Variants in SMYD3 observed in about 807,000 individuals in gnomAD.
SMYD3 encodes SET and MYND domain containing 3.
A neutral mutation model predicts 57.7 loss-of-function variants in SMYD3; 36 were observed. The ratio of observed to expected loss-of-function variants is 0.62; its 90% CI spans 0.48 to 0.82. SMYD3 has a LOEUF of 0.82. SMYD3 is among the 40% of genes least tolerant of loss of function. SMYD3 has a pLI of 0.00. For missense variants in SMYD3, 515 were observed against 538.8 expected (o/e 0.96, Z 0.44); for synonymous variants, 211 against 195.0 (o/e 1.08, Z -0.68).
intron 5 of SMYD3, chr1:246,325,714 T>A (rs1460167216): frequency 2.0e-5 from 3 of 152,224 alleles, no homozygotes; most frequent in Non-Finnish European, 4.4e-5. Context: ...ATATTTTTCA[T>A]GGATATTAAT....
At chr1:246,227,853 C>T (rs541711118) in intron 5 of SMYD3, among the ~76,000 whole-genome samples, 17 of 152,122 alleles carry the variant, frequency 1.1e-4, no homozygotes, top group Non-Finnish European at 2.2e-4. Flanking sequence ...TAAGGTCTCA[C>T]CGATCTCTAA....
chr1:246,130,058 T>C (rs913412135), intron 5 of SMYD3, among the ~76,000 whole-genome samples: 3 of 152,136 alleles, frequency 2.0e-5, no homozygotes, highest in African/African-American at 7.2e-5. Context: ...AAGTACAATA[T>C]TGGAAAGAAT....
chr1:246,164,610 G>C (rs1035152726), intron 5 of SMYD3, among the ~76,000 whole-genome samples: 22 of 152,092 alleles, frequency 1.4e-4, no homozygotes, highest in African/African-American at 5.3e-4. Context: ...AGGAAGCCAG[G>C]CCCAAAGAGA....
intron 5 of SMYD3, among the ~76,000 whole-genome samples, chr1:246,128,609 T>A (rs2061541936): frequency 6.6e-6 from 1 of 152,196 alleles, no homozygotes. Flanking sequence ...GTACAACAGC[T>A]GTTCTACATG....
At chr1:245,808,336 T>C (rs1209755806) in intron 10 of SMYD3, among the ~76,000 whole-genome samples, 1 of 152,208 alleles carries the variant, frequency 6.6e-6, no homozygotes, top group Non-Finnish European at 1.5e-5. Flanking sequence ...GGCACCCATA[T>C]ACACATACTC....
chr1:246,178,586 G>A (rs376416743), intron 5 of SMYD3, among the ~76,000 whole-genome samples: 172 of 152,260 alleles, frequency 1.1e-3, no homozygotes, highest in African/African-American at 3.7e-3. Context: ...ACAAGTGCAT[G>A]CATGGCTACA....
At chr1:245,820,695 A>AAAAC (rs2049111976) in intron 10 of SMYD3, among the ~76,000 whole-genome samples, 1 of 152,106 alleles carries the variant, frequency 6.6e-6, no homozygotes, top group African/African-American at 2.4e-5. Flanking sequence ...ACTTCAGCAA[A>AAAAC]GTCTCAGGGT....
At chr1:245,818,672 T>C (rs1238313414) in intron 10 of SMYD3, among the ~76,000 whole-genome samples, 1 of 151,314 alleles carries the variant, frequency 6.6e-6, no homozygotes, top group Non-Finnish European at 1.5e-5. Context: ...GAGACACACA[T>C]AGGCTCAAAA....
chr1:246,167,514 T>G (rs2062238426), intron 5 of SMYD3, among the ~76,000 whole-genome samples: 1 of 139,874 alleles, frequency 7.1e-6, no homozygotes, highest in African/African-American at 2.5e-5. Flanking sequence ...TTTTTTTTCT[T>G]TTTTTTTTTT....
Position 245,854,669 on chromosome 1 carries a change from C to T in SMYD3, c.1076+3827G>A, listed in dbSNP as rs12071591. Reference sequence around the variant, plus strand: ...GCTTCCCTTCCTTTTCTCTAATCCCCACTCCTCCATACACCACCTCAGCAG... The same window carrying T: ...GCTTCCCTTCCTTTTCTCTAATCCCTACTCCTCCATACACCACCTCAGCAG... On this transcript the variant is annotated intron_variant, in intron 10 of 11. Transcript: ENST00000490107. Among the ~76,000 whole-genome samples the T allele has an allele frequency of 4.2e-3, 645 of 152,164 alleles. 2 individuals carry two copies. Among genetic ancestry groups the T allele is most frequent in the African/African-American group, 0.015 (620 of 41,508 alleles).
chr1:246,006,705 A>C (rs1301513432), intron 5 of SMYD3, among the ~76,000 whole-genome samples: 1 of 152,134 alleles, frequency 6.6e-6, no homozygotes, highest in Admixed American at 6.6e-5. Context: ...CCTGTCTTTC[A>C]GCCCACTGAG....
intron 5 of SMYD3, among the ~76,000 whole-genome samples, chr1:246,065,103 C>G (rs1383354087): frequency 6.6e-6 from 1 of 152,228 alleles, no homozygotes; most frequent in Non-Finnish European, 1.5e-5. Context: ...GATGAGAACA[C>G]TGTCCCATTG....
chr1:246,103,638 G>C (rs909178024), intron 5 of SMYD3, among the ~76,000 whole-genome samples: 1 of 151,974 alleles, frequency 6.6e-6, no homozygotes, highest in African/African-American at 2.4e-5. Context: ...TCCCCTTCTA[G>C]TCTCTCCCTT....
rs10924479 is a variant in SMYD3 at position 246,059,340 on chromosome 1, G to A, written c.532-129403C>T. On this transcript the variant is annotated intron_variant, in intron 5 of 11. Transcript: ENST00000490107. ...GGATAATAAAACACATTTACCTAGA[G>A]AAAAAAAAAAATCAAATTAAGATGA... Among the ~76,000 whole-genome samples, 31 of 129,298 alleles carry A rather than the reference G, an allele frequency of 2.4e-4. 1 individual carries two copies. The highest frequency in any genetic ancestry group is 1.1e-3 in the South Asian group (5 of 4,550). The allele number at this position is 129,298 out of a possible 152,430, so 84.8% of individuals were successfully genotyped here. A position where few individuals can be genotyped will look rare whatever the true frequency, so the allele number is the denominator to read the frequency against.
chr1:246,227,898 G>C (rs939926472), intron 5 of SMYD3, among the ~76,000 whole-genome samples: 11 of 150,940 alleles, frequency 7.3e-5, no homozygotes, highest in African/African-American at 2.0e-4. Context: ...AAATAGATTT[G>C]GCATCATATG....
chr1:246,143,791 T>C (rs898685070), intron 5 of SMYD3, among the ~76,000 whole-genome samples: 1 of 152,202 alleles, frequency 6.6e-6, no homozygotes, highest in Non-Finnish European at 1.5e-5. Flanking sequence ...TGCTTCTGGA[T>C]CCTCCCATCT....
At chr1:245,986,486 G>A (rs1444756407) in intron 5 of SMYD3, among the ~76,000 whole-genome samples, 2 of 152,154 alleles carry the variant, frequency 1.3e-5, no homozygotes, top group African/African-American at 2.4e-5. Context: ...TACTCACACA[G>A]CCCCCTAGTG....
chr1:246,173,750 T>C (rs1002996778), intron 5 of SMYD3, among the ~76,000 whole-genome samples: 1 of 152,154 alleles, frequency 6.6e-6, no homozygotes, highest in African/African-American at 2.4e-5. Context: ...ATGATAACAA[T>C]GCCTTCTCTG....
At chr1:246,453,667 A>T (rs1177930096) in intron 1 of SMYD3, among the ~76,000 whole-genome samples, 1 of 152,222 alleles carries the variant, frequency 6.6e-6, no homozygotes, top group Non-Finnish European at 1.5e-5. Context: ...TAAAAGCCAC[A>T]GGGTTGAAAG....
Sources: gnomAD v4.1 joint callset for allele counts (sites outside exome capture counted in the v4.1 genomes callset) on GRCh38, gnomAD v4.1.1 for gene constraint, MANE v1.5 for transcripts, NCBI Gene and HGNC (gene_info 2026-07-23, HGNC 2026-07-21) for gene names.